Variants in CDH18 observed in about 807,000 individuals in gnomAD.
CDH18 encodes cadherin 18.
Under a neutral mutation model 67.9 loss-of-function variants are expected in CDH18, and 31 were observed. The observed-to-expected ratio is 0.46, with a 90% CI of 0.34 to 0.62. CDH18 has a LOEUF of 0.62. Ranked by LOEUF, CDH18 falls within the 20% of genes least tolerant of loss-of-function variation. The pLI is 0.01. For missense variants in CDH18, 890 were observed against 975.5 expected, an observed-to-expected ratio of 0.91 and a Z score of 1.17; for synonymous variants, 362 against 347.2, an observed-to-expected ratio of 1.04 and a Z score of -0.48.
At chr5:19,531,691 G>A (rs1748649001) in intron 9 of CDH18, among the ~76,000 whole-genome samples, 1 of 152,006 alleles carries the variant, frequency 6.6e-6, no homozygotes, top group Non-Finnish European at 1.5e-5. Context: ...CAGCACTTAG[G>A]GAGGCTGGCG....
At chr5:19,686,908 A>C (rs931301784) in intron 5 of CDH18, among the ~76,000 whole-genome samples, 20 of 152,292 alleles carry the variant, frequency 1.3e-4, no homozygotes, top group South Asian at 2.1e-4. Context: ...ACAACACGGG[A>C]ATAGTTTCAA....
chr5:20,027,798 C>G (rs1205629639), intron 2 of CDH18, among the ~76,000 whole-genome samples: 1 of 152,196 alleles, frequency 6.6e-6, no homozygotes, highest in Non-Finnish European at 1.5e-5. Context: ...TAAAAAATCA[C>G]TAGCTGAGTC....
chr5:20,297,176 A>T (rs1257532722), intron 1 of CDH18, among the ~76,000 whole-genome samples: 4 of 152,236 alleles, frequency 2.6e-5, no homozygotes, highest in Non-Finnish European at 5.9e-5. Flanking sequence ...GTTAGTATAT[A>T]AAAATCATGA....
At chr5:19,714,055 G>A (rs1159473672) in intron 5 of CDH18, among the ~76,000 whole-genome samples, 4 of 152,026 alleles carry the variant, frequency 2.6e-5, no homozygotes, top group African/African-American at 4.8e-5. Context: ...TAACATAATC[G>A]GAGTGACTTC....
At chr5:20,264,702 C>G (rs116081195) in intron 1 of CDH18, among the ~76,000 whole-genome samples, 1,799 of 152,148 alleles carry the variant, frequency 0.012, 12 homozygotes, top group Middle Eastern at 0.031. Context: ...TAACAATCAA[C>G]TATTTTTAAA....
intron 1 of CDH18, among the ~76,000 whole-genome samples, chr5:20,312,916 T>A (rs906485912): frequency 6.6e-6 from 1 of 152,134 alleles, no homozygotes; most frequent in African/African-American, 2.4e-5. Context: ...ATTTATTTTT[T>A]ATTTCTTTAA....
intron 1 of CDH18, among the ~76,000 whole-genome samples, chr5:20,388,957 G>C (rs905945668): frequency 2.0e-5 from 3 of 152,154 alleles, no homozygotes; most frequent in Non-Finnish European, 2.9e-5. Flanking sequence ...TTGCTGAGGA[G>C]TGCTTTACTT....
chr5:20,542,984 G>T (rs938716341), intron 1 of CDH18, among the ~76,000 whole-genome samples: 1 of 151,822 alleles, frequency 6.6e-6, no homozygotes, highest in Non-Finnish European at 1.5e-5. Flanking sequence ...AATTTCTCAA[G>T]GATAAATTAA....
chr5:19,913,028 A>T (rs1791326530), intron 2 of CDH18, among the ~76,000 whole-genome samples: 1 of 152,278 alleles, frequency 6.6e-6, no homozygotes, highest in East Asian at 1.9e-4. Context: ...TTTAAAGAAA[A>T]TCAATTCCTT....
intron 2 of CDH18, among the ~76,000 whole-genome samples, chr5:19,955,314 C>T (rs985449682): frequency 6.6e-6 from 1 of 151,994 alleles, no homozygotes; most frequent in African/African-American, 2.4e-5. Flanking sequence ...CTCATCATTT[C>T]ACAATAGCAT....
At chr5:20,235,109 A>G (rs984748480) in intron 2 of CDH18, among the ~76,000 whole-genome samples, 4 of 152,152 alleles carry the variant, frequency 2.6e-5, no homozygotes, top group African/African-American at 9.6e-5. Flanking sequence ...CCTACATATC[A>G]CCATATAAGC....
intron 2 of CDH18, among the ~76,000 whole-genome samples, chr5:19,979,072 A>G (rs1040796990): frequency 1.3e-5 from 2 of 152,126 alleles, no homozygotes; most frequent in Admixed American, 6.6e-5. Flanking sequence ...TTCAGAAGCT[A>G]CTTCACTTAG....
chr5:20,546,603 A>G (rs1294301954), intron 1 of CDH18, among the ~76,000 whole-genome samples: 1 of 151,994 alleles, frequency 6.6e-6, no homozygotes, highest in African/African-American at 2.4e-5. Flanking sequence ...GCGATAACTC[A>G]CTCACTATCA....
chr5:20,367,467 C>T lies in CDH18; in HGVS notation c.-579-111962G>A, dbSNP rs147382602. ...TATGCCAAAGGAGGCGGGTTCTATG[C>T]CTGACCTCTAATCCTGGGCTGCTGG... On this transcript the variant is annotated intron_variant, in intron 1 of 14. Coordinates refer to the CDH18 transcript ENST00000507958. 7.3e-3 allele frequency among the ~76,000 whole-genome samples: 1,118 copies of T among 152,226 alleles called. 11 individuals are homozygous for T. Among genetic ancestry groups the T allele is most frequent in the African/African-American group, 0.025 (1,054 of 41,538 alleles).
chr5:19,793,212 A>G (rs1776540343), intron 3 of CDH18, among the ~76,000 whole-genome samples: 1 of 152,190 alleles, frequency 6.6e-6, no homozygotes, highest in African/African-American at 2.4e-5. Flanking sequence ...AAGTTCAGAT[A>G]GTGATTCAGG....
intron 2 of CDH18, among the ~76,000 whole-genome samples, chr5:20,215,891 G>A (rs1214041551): frequency 6.6e-6 from 1 of 151,702 alleles, no homozygotes; most frequent in Non-Finnish European, 1.5e-5. Context: ...ACCAAATACT[G>A]CATACTCTTA....
At chr5:20,538,267 C>T (rs1756840570) in intron 1 of CDH18, among the ~76,000 whole-genome samples, 1 of 152,086 alleles carries the variant, frequency 6.6e-6, no homozygotes, top group Non-Finnish European at 1.5e-5. Flanking sequence ...GTAAGAATTG[C>T]TTTCAAAACT....
At chr5:19,978,674 C>T (rs924581270) in intron 2 of CDH18, among the ~76,000 whole-genome samples, 2 of 152,128 alleles carry the variant, frequency 1.3e-5, no homozygotes, top group African/African-American at 4.8e-5. Context: ...TTGTCTTTTC[C>T]AGTTTCTGGA....
Position 19,473,164 on chromosome 5 carries a change from G to C in CDH18, c.*62C>G. 1 of 1,563,726 alleles carries C rather than the reference G, an allele frequency of 6.4e-7. No individual in the cohort carries two copies. ...GTTTCCACACTTCTTCCTTGTCATT[G>C]CTGAGGTTGTATATCCACTTACTCA... On this transcript the variant is annotated 3_prime_UTR_variant, in exon 13 of 13. Transcript: ENST00000382275.
Sources: allele counts gnomAD v4.1 joint callset (sites outside exome capture counted in the v4.1 genomes callset), GRCh38; gene constraint gnomAD v4.1.1; transcripts MANE v1.5; gene names NCBI Gene and HGNC (gene_info 2026-07-23, HGNC 2026-07-21).